Variants in INTS3 observed in about 807,000 individuals in gnomAD.
INTS3 encodes the protein integrator complex subunit 3.
INTS3 carries 34 observed loss-of-function variants against 146.3 expected under a neutral mutation model. That is an observed-to-expected ratio of 0.23 (90% CI 0.18 to 0.31). The LOEUF (loss-of-function observed/expected upper bound fraction) is 0.31. Ranked by LOEUF, INTS3 falls within the 10% of genes least tolerant of loss-of-function variation. The pLI is 1.00. For missense variants in INTS3, 757 were observed against 1,304.2 expected (o/e 0.58, Z 6.46); for synonymous variants, 475 against 494.9 (o/e 0.96, Z 0.53).
chr1:153,765,093 G>A (rs1383527952), intron 20 of INTS3, 30 bp downstream of exon 20: 1 of 1,613,236 alleles, frequency 6.2e-7, no homozygotes, highest in South Asian at 1.1e-5. Context: ...TTCAAATGGT[G>A]TCAGGACACA....
chr1:153,751,345 C>A, intron 7 of INTS3, 106 bp downstream of exon 7: 4 of 1,120,880 alleles, frequency 3.6e-6, no homozygotes, highest in South Asian at 2.9e-5. Flanking sequence ...GATGAAGGTG[C>A]ATCAAGATCT....
intron 1 of INTS3, among the ~76,000 whole-genome samples, chr1:153,734,177 A>T (rs1229631261): frequency 6.6e-6 from 1 of 152,144 alleles, no homozygotes; most frequent in Middle Eastern, 3.2e-3. Flanking sequence ...CTTACTCTGA[A>T]CAGAGCCATT....
intron 15 of INTS3, 116 bp from the exon 16 acceptor site, chr1:153,763,117 T>C: frequency 1.5e-6 from 2 of 1,334,444 alleles, no homozygotes; most frequent in Non-Finnish European, 2.1e-6. Flanking sequence ...TCACACAGCA[T>C]TGAGGAAACA....
intron 1 of INTS3, among the ~76,000 whole-genome samples, chr1:153,737,805 A>G (rs2101782798): frequency 6.6e-6 from 1 of 152,124 alleles, no homozygotes; most frequent in South Asian, 2.1e-4. Flanking sequence ...GACCCCTGGT[A>G]GGTTTTCATT....
chr1:153,768,632 C>T (rs987154746), intron 21 of INTS3, among the ~76,000 whole-genome samples: 1 of 152,216 alleles, frequency 6.6e-6, no homozygotes, highest in African/African-American at 2.4e-5. Flanking sequence ...CCATTCCTTT[C>T]TGTACACACA....
At chr1:153,768,505 G>C (rs1221522767) in intron 21 of INTS3, among the ~76,000 whole-genome samples, 1 of 152,200 alleles carries the variant, frequency 6.6e-6, no homozygotes, top group Non-Finnish European at 1.5e-5. Context: ...CCAAAGGTCA[G>C]CACAGGTTGG....
In INTS3 at chr1:153,757,498, T is replaced by C; in HGVS notation, c.958-74T>C. On this transcript the variant is annotated intron_variant, in intron 9 of 29. Transcript: ENST00000318967. This position sits in a 1 kb window ranked among gnomAD's most constrained non-coding sequence, Gnocchi z 4.0. ...GGTCTAGGGCAAACCTAGAGTTAAG[T>C]GGTGCTCGTTTTCCTCTGGCCAAGG... 7.7e-7 allele frequency: 1 copy of C among 1,300,488 alleles called. No homozygotes were observed. Among genetic ancestry groups the C allele is most frequent in the Non-Finnish European group, 1.1e-6 (1 of 912,086 alleles). 80.6% of individuals were successfully genotyped at this position (1,300,488 alleles called of 1,614,324 possible). A position where few individuals can be genotyped will look rare whatever the true frequency, so the allele number is the denominator to read the frequency against.
chr1:153,746,737 A>T (rs1351912908), intron 3 of INTS3: 3 of 519,462 alleles, frequency 5.8e-6, no homozygotes, highest in Admixed American at 3.5e-5. Flanking sequence ...AAGGATAACC[A>T]GTACCTTTTC....
rs763513343 is a variant in INTS3, at chr1:153,757,525, C to T, written c.958-47C>T. ...GTGCTCGTTTTCCTCTGGCCAAGGA[C>T]CCCACACTGTCTTCTAAGGTCTTTT... On this transcript the variant is annotated intron_variant, in intron 9 of 29. Transcript: ENST00000318967. The surrounding 1 kb of genome is among the most constrained non-coding windows in gnomAD (Gnocchi z 4.0). The T allele has an allele frequency of 2.6e-6, 4 of 1,565,978 alleles. No individual in the cohort carries two copies. The South Asian group carries it at 3.4e-5, about 13-fold the overall frequency.
At chr1:153,736,488 C>A (rs549816166) in intron 1 of INTS3, among the ~76,000 whole-genome samples, 2 of 151,632 alleles carry the variant, frequency 1.3e-5, no homozygotes, top group Admixed American at 1.3e-4. Flanking sequence ...GCTCTGTCAC[C>A]CAGGCTGGAG....
In INTS3 at chr1:153,773,787, G is replaced by A. The variant is rs1220752124; in HGVS notation, c.*517G>A. The stretch of plus-strand genomic sequence containing the variant: ...GTGTGAAATGGGCATCTATGACGTG[G>A]TCAGGGTGTCCATTCCTAATCATGG... On this transcript the variant is annotated 3_prime_UTR_variant, in exon 30 of 30. Coordinates refer to ENST00000318967, the MANE Select transcript of INTS3 (RefSeq NM_023015.5). 2 of 176,290 alleles carry A rather than the reference G, an allele frequency of 1.1e-5. No individual in the cohort carries two copies. Among genetic ancestry groups the A allele is most frequent in the African/African-American group, 4.8e-5 (2 of 41,566 alleles). 10.9% of individuals were successfully genotyped at this position (176,290 alleles called of 1,614,324 possible).
In INTS3 at chr1:153,757,546, C is replaced by A. The variant is rs1289859913; in HGVS notation, c.958-26C>A. 1 of 1,609,044 alleles carries A rather than the reference C, an allele frequency of 6.2e-7. No homozygotes were observed. The highest frequency in any genetic ancestry group is 1.7e-5 in the Admixed American group (1 of 59,922). ...AGGACCCCACACTGTCTTCTAAGGTCTTTTTCTTGCTTCCCCTTTCCCCAG... is the reference window on the plus strand; with the variant it reads ...AGGACCCCACACTGTCTTCTAAGGTATTTTTCTTGCTTCCCCTTTCCCCAG... On this transcript the variant is annotated intron_variant, in intron 9 of 29. Coordinates refer to ENST00000318967, the MANE Select transcript of INTS3 (RefSeq NM_023015.5). The surrounding 1 kb of genome is among the most constrained non-coding windows in gnomAD (Gnocchi z 4.0).
rs377124926 is a variant in INTS3 at position 153,759,082 on chromosome 1, G to A, written c.1150-444G>A. On this transcript the variant is annotated intron_variant, in intron 10 of 29. Transcript: ENST00000318967. Reference sequence around the variant, plus strand: ...GAGTAAGCCGTGATCATGCCACTGCGCTCCAGCCTGGGTGACATGGCAAGA... The same window carrying A: ...GAGTAAGCCGTGATCATGCCACTGCACTCCAGCCTGGGTGACATGGCAAGA... 3.4e-3 allele frequency among the ~76,000 whole-genome samples: 504 copies of A among 150,120 alleles called. 3 individuals carry two copies. The highest frequency in any genetic ancestry group is 0.011 in the African/African-American group (469 of 40,828).
At position 153,767,773 on chromosome 1, in the gene INTS3, C is replaced by T. The variant is rs2101826699; in HGVS notation, c.2190C>T (p.Cys730=). Residue 730 remains cysteine (C), a synonymous_variant, in exon 21 of 30, where the codon TGC becomes TGT. Coordinates refer to ENST00000318967, the MANE Select transcript of INTS3 (RefSeq NM_023015.5). The stretch of plus-strand genomic sequence containing the variant: ...GCCTGATGATGGACATGAAGGCCTG[C>T]CAGGAGGACGATGTGCGGCTCCTGT... The part of the protein sequence containing the change: ...HTCLMMDMKA[C]QEDDVRLLCH... 1 of 1,613,438 alleles carries T rather than the reference C, an allele frequency of 6.2e-7. No homozygotes were observed. Among genetic ancestry groups the T allele is most frequent in the Non-Finnish European group, 8.5e-7 (1 of 1,179,720 alleles).
rs755360164 is a variant in INTS3 at position 153,767,684 on chromosome 1, G to A, written c.2101G>A (p.Ala701Thr). Reference sequence around the variant, plus strand: ...CAGCTGGTCTTGCAGCAAAGCCGCCGCAGGGAAGATGAACCTGTACGAGTC... The same window carrying A: ...CAGCTGGTCTTGCAGCAAAGCCGCCACAGGGAAGATGAACCTGTACGAGTC... ...LYYLRASKAA[A>T]GKMNLYESFA... is the part of the protein sequence containing the mutation. Residue 701 changes from alanine (A) to threonine (T), a missense_variant, in exon 21 of 30, where the codon GCA becomes ACA. By Grantham distance (58) the Ala-to-Thr change is moderately conservative (BLOSUM62 0). This residue lies in a region of INTS3 where 89 missense variants were observed against 210.9 expected (regional missense o/e 0.42). Transcript: ENST00000318967. 2.1e-5 allele frequency: 34 copies of A among 1,590,956 alleles called. No homozygotes were observed. Among genetic ancestry groups the A allele is most frequent in the Admixed American group, 5.1e-5 (3 of 58,740 alleles).
In INTS3 at chr1:153,761,555, A is replaced by T. The variant is rs1357890590; in HGVS notation, c.1410-15A>T. On this transcript the variant is annotated splice_polypyrimidine_tract_variant and intron_variant, in intron 13 of 29. Coordinates refer to ENST00000318967, the MANE Select transcript of INTS3 (RefSeq NM_023015.5). ...AGAAGCTCTGATATTGACCTTCATC[A>T]TGTTCCCCATTTAGACACCTAGCTC... 1 of 1,563,364 alleles carries T rather than the reference A, an allele frequency of 6.4e-7. No individual in the cohort carries two copies. Among genetic ancestry groups the T allele is most frequent in the East Asian group, 2.2e-5 (1 of 44,622 alleles).
rs867103443 is a variant in INTS3 at position 153,772,087 on chromosome 1, C to T, written c.2720+124C>T. On this transcript the variant is annotated intron_variant, in intron 26 of 29. Transcript: ENST00000318967. This position sits in a 1 kb window ranked among gnomAD's most constrained non-coding sequence, Gnocchi z 4.6. ...GTGCTGTCCCAGCCTGGTTTGTGGGCGACATCTAGTGGTCCGAAGCCACAT... is the reference window on the plus strand; with the variant it reads ...GTGCTGTCCCAGCCTGGTTTGTGGGTGACATCTAGTGGTCCGAAGCCACAT... 39 of 1,125,716 alleles carry T rather than the reference C, an allele frequency of 3.5e-5. No individual in the cohort carries two copies. Among genetic ancestry groups the T allele is most frequent in the Non-Finnish European group, 4.0e-5 (32 of 800,358 alleles). 69.7% of individuals were successfully genotyped at this position (1,125,716 alleles called of 1,614,324 possible).
chr1:153,754,236 A>G (rs1672077946), intron 8 of INTS3, among the ~76,000 whole-genome samples: 1 of 152,216 alleles, frequency 6.6e-6, no homozygotes, highest in South Asian at 2.1e-4. Context: ...ATCTGGATCC[A>G]CATGTTTCTG....
At chr1:153,758,355 G>T (rs1672239240) in intron 10 of INTS3, among the ~76,000 whole-genome samples, 1 of 152,194 alleles carries the variant, frequency 6.6e-6, no homozygotes, top group Non-Finnish European at 1.5e-5. Context: ...TCCTGGAGGG[G>T]TGGGGGTCTC....
Sources: allele counts gnomAD v4.1 joint callset (sites outside exome capture counted in the v4.1 genomes callset), GRCh38; gene constraint gnomAD v4.1.1; regional missense constraint gnomAD v4.1.1; non-coding constraint Gnocchi (gnomAD v3.1); transcripts MANE v1.5; gene names NCBI Gene and HGNC (gene_info 2026-07-23, HGNC 2026-07-21).